The following ANP32D variants were observed in gnomAD, a reference collection of about 807,000 sequenced individuals.
The protein encoded by ANP32D is acidic nuclear phosphoprotein 32 family member D.
Under a neutral mutation model 7.8 loss-of-function variants are expected in ANP32D, and 6 were observed. That is an observed-to-expected ratio of 0.77 (90% CI 0.42 to 1.52). ANP32D has a LOEUF of 1.52. Among genes scored for constraint, ANP32D ranks in the 40% most tolerant of loss-of-function variants. The pLI, the probability that ANP32D is intolerant of heterozygous loss-of-function variation, is 0.01. For missense variants in ANP32D, 163 were observed against 145.9 expected (o/e 1.12, Z -0.60); for synonymous variants, 69 against 59.7 (o/e 1.16, Z -0.72).
In ANP32D at chr12:48,472,785, T is replaced by G. The variant is rs747041373; in HGVS notation, c.121T>G (p.Phe41Val). Reference protein sequence around the residue: ...EGKLEGLTDEFEELELLNTIN... With the variant: ...EGKLEGLTDEVEELELLNTIN... ...CAAATTGGAAGGCCTCACAGATGAA[T>G]TTGAAGAACTGGAATTATTAAATAC... is the stretch of plus-strand genomic sequence containing the variant. Residue 41 changes from phenylalanine to valine, a missense_variant, in exon 1 of 1, where the codon TTT becomes GTT. Coordinates refer to ENST00000266594, the MANE Select transcript of ANP32D (RefSeq NM_012404.3). The G allele has an allele frequency of 6.2e-7, 1 of 1,614,152 alleles. No individual in the cohort carries two copies. The highest frequency in any genetic ancestry group is 8.5e-7 in the Non-Finnish European group (1 of 1,180,022).
rs750180206 is a variant in ANP32D, at chr12:48,472,708, C to T, written c.44C>T (p.Thr15Met). 1.5e-5 allele frequency: 25 copies of T among 1,614,110 alleles called. No homozygotes were observed. The highest frequency in any genetic ancestry group is 5.3e-5 in the African/African-American group (4 of 75,014). The stretch of plus-strand genomic sequence containing the variant: ...ATTCATTTAGAGCTGCGGAACAGGA[C>T]GCCCTCCGATGTGAAAGAACTTTTC... ...KWIHLELRNR[T>M]PSDVKELFLD... The change falls in exon 1 of 1, where the codon ACG becomes ATG. Residue 15 changes from threonine to methionine, a missense_variant. Transcript: ENST00000266594.
In ANP32D at chr12:48,473,157, G is replaced by T; in HGVS notation, c.*97G>T. On this transcript the variant is annotated 3_prime_UTR_variant, in exon 1 of 1. Transcript: ENST00000266594. ...TAACTCGGATGGTGAGGGCTTTGTGGAGTGCCTGGATGACAAGGAGGAGGA... is the reference window on the plus strand; with the variant it reads ...TAACTCGGATGGTGAGGGCTTTGTGTAGTGCCTGGATGACAAGGAGGAGGA... 1 of 1,553,930 alleles carries T rather than the reference G, an allele frequency of 6.4e-7. No homozygotes were observed. The highest frequency in any genetic ancestry group is 8.9e-7 in the Non-Finnish European group (1 of 1,126,614).
rs181154394 is a variant in ANP32D, at chr12:48,473,285, G to A, written c.*225G>A. On this transcript the variant is annotated 3_prime_UTR_variant, in exon 1 of 1. Coordinates refer to ENST00000266594, the MANE Select transcript of ANP32D (RefSeq NM_012404.3). Reference sequence around the variant, plus strand: ...AAGAGGAGGACGTGAGTGGAGACGAGGAGGAGAAGGATGAAGGTTATAACA... The same window carrying A: ...AAGAGGAGGACGTGAGTGGAGACGAAGAGGAGAAGGATGAAGGTTATAACA... 8.1e-5 allele frequency: 88 copies of A among 1,090,956 alleles called. No homozygotes were observed. Among genetic ancestry groups the A allele is most frequent in the Middle Eastern group, 2.0e-4 (1 of 5,080 alleles). The allele number at this position is 1,090,956 out of a possible 1,614,324, so 67.6% of individuals were successfully genotyped here. A position where few individuals can be genotyped will look rare whatever the true frequency, so the allele number is the denominator to read the frequency against.
rs537365157 is a variant in ANP32D at position 48,473,617 on chromosome 12, A to C, written c.*557A>C. Reference sequence around the variant, plus strand: ...GGAATAAAATACTATTTTTACTGCCACTCTTTATTTTTTCCCCCTACTTTT... The same window carrying C: ...GGAATAAAATACTATTTTTACTGCCCCTCTTTATTTTTTCCCCCTACTTTT... On this transcript the variant is annotated 3_prime_UTR_variant, in exon 1 of 1. Transcript: ENST00000266594. 3.0e-4 allele frequency: 76 copies of C among 257,274 alleles called. No homozygotes were observed. Among genetic ancestry groups the C allele is most frequent in the Non-Finnish European group, 5.0e-4 (65 of 131,124 alleles). 15.9% of individuals were successfully genotyped at this position (257,274 alleles called of 1,614,324 possible). A position where few individuals can be genotyped will look rare whatever the true frequency, so the allele number is the denominator to read the frequency against.
chr12:48,473,419 A>G lies in ANP32D; in HGVS notation c.*359A>G. The G allele has an allele frequency of 1.4e-6, 1 of 706,508 alleles. No homozygotes were observed. Among genetic ancestry groups the G allele is most frequent in the Non-Finnish European group, 2.4e-6 (1 of 416,020 alleles). 43.8% of individuals were successfully genotyped at this position (706,508 alleles called of 1,614,324 possible). On this transcript the variant is annotated 3_prime_UTR_variant, in exon 1 of 1. Coordinates refer to ENST00000266594, the MANE Select transcript of ANP32D (RefSeq NM_012404.3). The stretch of plus-strand genomic sequence containing the variant: ...GAGGGAGAAGACGATGCCTAAGTGG[A>G]ATAATCTATTTTGAAAAATTCCTTT...
At position 48,472,602 on chromosome 12, in the gene ANP32D, G is replaced by A; in HGVS notation, c.-63G>A. ...GTTGAGCTTTCAAATGTGCGGTTGT[G>A]GGTTCGGGGTTTATTGGTTGAATTC... On this transcript the variant is annotated 5_prime_UTR_variant, in exon 1 of 1. Transcript: ENST00000266594. 1 of 1,591,892 alleles carries A rather than the reference G, an allele frequency of 6.3e-7. No individual in the cohort carries two copies. Among genetic ancestry groups the A allele is most frequent in the African/African-American group, 1.4e-5 (1 of 74,036 alleles).
rs1373843843 is a variant in ANP32D, at chr12:48,472,695, C to A, written c.31C>A (p.Leu11Met). The change falls in exon 1 of 1, where the codon CTG (leucine) becomes ATG (methionine). Residue 11 changes from leucine to methionine, a missense_variant. Coordinates refer to ENST00000266594, the MANE Select transcript of ANP32D (RefSeq NM_012404.3). The part of the protein sequence containing the change: MEMGKWIHLE[L>M]RNRTPSDVKE... ...GATGGGCAAATGGATTCATTTAGAG[C>A]TGCGGAACAGGACGCCCTCCGATGT... 6.2e-7 allele frequency: 1 copy of A among 1,614,132 alleles called. No individual in the cohort carries two copies. The highest frequency in any genetic ancestry group is 1.1e-5 in the South Asian group (1 of 91,072).
At position 48,472,647 on chromosome 12, in the gene ANP32D, G is replaced by C; in HGVS notation, c.-18G>C. 1 of 1,613,892 alleles carries C rather than the reference G, an allele frequency of 6.2e-7. No homozygotes were observed. Among genetic ancestry groups the C allele is most frequent in the South Asian group, 1.1e-5 (1 of 91,048 alleles). On this transcript the variant is annotated 5_prime_UTR_variant, in exon 1 of 1. Coordinates refer to ENST00000266594, the MANE Select transcript of ANP32D (RefSeq NM_012404.3). ...GAATTCCGCTGGCTCAGGAGCCTCT[G>C]CAGAGAAAGCGTGAGAGATGGAGAT...
rs767002083 is a variant in ANP32D, at chr12:48,472,823, C to T, written c.159C>T (p.Gly53=). The T allele has an allele frequency of 1.9e-6, 3 of 1,614,032 alleles. No individual in the cohort carries two copies. The highest frequency in any genetic ancestry group is 2.7e-5 in the African/African-American group (2 of 74,904). Residue 53 remains glycine (G), a synonymous_variant, in exon 1 of 1, where the codon GGC becomes GGT. Coordinates refer to ENST00000266594, the MANE Select transcript of ANP32D (RefSeq NM_012404.3). ...ELELLNTINI[G]LTSIANLPKL... ...AATTATTAAATACAATCAACATAGG[C>T]CTCACCTCAATTGCAAACTTGCCAA...
At position 48,472,924 on chromosome 12, in the gene ANP32D, G is replaced by A. The variant is rs375275376; in HGVS notation, c.260G>A (p.Cys87Tyr). ...SVGLEVLAEK[C>Y]PNLIHLNLSG... Reference sequence around the variant, plus strand: ...GGCCTAGAAGTATTGGCAGAAAAGTGTCCAAACCTCATACATCTAAATTTA... The same window carrying A: ...GGCCTAGAAGTATTGGCAGAAAAGTATCCAAACCTCATACATCTAAATTTA... The change falls in exon 1 of 1, where the codon TGT (cysteine) becomes TAT (tyrosine). Residue 87 changes from cysteine to tyrosine, a missense_variant. Transcript: ENST00000266594. 1.3e-5 allele frequency: 21 copies of A among 1,614,042 alleles called. No individual in the cohort carries two copies. The highest frequency in any genetic ancestry group is 4.0e-5 in the African/African-American group (3 of 74,920).
Position 48,472,676 on chromosome 12 carries a change from C to A in ANP32D, c.12C>A (p.Gly4=). Residue 4 remains glycine, a synonymous_variant, in exon 1 of 1, where the codon GGC becomes GGA. Transcript: ENST00000266594. The part of the protein sequence containing the change: MEM[G]KWIHLELRNR... Reference sequence around the variant, plus strand: ...AGAAAGCGTGAGAGATGGAGATGGGCAAATGGATTCATTTAGAGCTGCGGA... The same window carrying A: ...AGAAAGCGTGAGAGATGGAGATGGGAAAATGGATTCATTTAGAGCTGCGGA... 6.2e-7 allele frequency: 1 copy of A among 1,614,044 alleles called. No homozygotes were observed. Among genetic ancestry groups the A allele is most frequent in the Non-Finnish European group, 8.5e-7 (1 of 1,180,000 alleles).
Position 48,473,218 on chromosome 12 carries a change from T to A in ANP32D, c.*158T>A. 8.2e-7 allele frequency: 1 copy of A among 1,225,314 alleles called. No individual in the cohort carries two copies. Among genetic ancestry groups the A allele is most frequent in the Middle Eastern group, 1.9e-4 (1 of 5,286 alleles). The allele number at this position is 1,225,314 out of a possible 1,614,324, so 75.9% of individuals were successfully genotyped here. On this transcript the variant is annotated 3_prime_UTR_variant, in exon 1 of 1. Coordinates refer to ENST00000266594, the MANE Select transcript of ANP32D (RefSeq NM_012404.3). ...GAGGAGTATGATGAAGATGCTCAGG[T>A]AATGGAAGATGAGGAGGACGAGGAT...
In ANP32D at chr12:48,472,790, A is replaced by G. The variant is rs781503751; in HGVS notation, c.126A>G (p.Glu42=). 1.2e-5 allele frequency: 20 copies of G among 1,614,084 alleles called. No homozygotes were observed. The highest frequency in any genetic ancestry group is 1.6e-4 in the Middle Eastern group (1 of 6,082). The stretch of plus-strand genomic sequence containing the variant: ...TGGAAGGCCTCACAGATGAATTTGA[A>G]GAACTGGAATTATTAAATACAATCA... ...GKLEGLTDEF[E]ELELLNTINI... Residue 42 remains glutamate (E), a synonymous_variant, in exon 1 of 1, where the codon GAA becomes GAG. Coordinates refer to ENST00000266594, the MANE Select transcript of ANP32D (RefSeq NM_012404.3).
In ANP32D at chr12:48,472,612, T is replaced by C. The variant is rs1370439189; in HGVS notation, c.-53T>C. 1.9e-6 allele frequency: 3 copies of C among 1,604,804 alleles called. No individual in the cohort carries two copies. The highest frequency in any genetic ancestry group is 2.6e-6 in the Non-Finnish European group (3 of 1,175,988). ...CAAATGTGCGGTTGTGGGTTCGGGG[T>C]TTATTGGTTGAATTCCGCTGGCTCA... On this transcript the variant is annotated 5_prime_UTR_variant, in exon 1 of 1. Transcript: ENST00000266594.
At position 48,473,154 on chromosome 12, in the gene ANP32D, G is replaced by T; in HGVS notation, c.*94G>T. ...CCCTAACTCGGATGGTGAGGGCTTT[G>T]TGGAGTGCCTGGATGACAAGGAGGA... On this transcript the variant is annotated 3_prime_UTR_variant, in exon 1 of 1. Coordinates refer to ENST00000266594, the MANE Select transcript of ANP32D (RefSeq NM_012404.3). 1 of 1,563,908 alleles carries T rather than the reference G, an allele frequency of 6.4e-7. No homozygotes were observed. The highest frequency in any genetic ancestry group is 8.8e-7 in the Non-Finnish European group (1 of 1,135,538).
Position 48,473,486 on chromosome 12 carries a change from A to C in ANP32D, c.*426A>C. The C allele has an allele frequency of 2.3e-6, 1 of 434,088 alleles. No individual in the cohort carries two copies. The highest frequency in any genetic ancestry group is 3.5e-5 in the Admixed American group (1 of 28,670). The allele number at this position is 434,088 out of a possible 1,614,324, so 26.9% of individuals were successfully genotyped here. On this transcript the variant is annotated 3_prime_UTR_variant, in exon 1 of 1. Transcript: ENST00000266594. ...TTAGCCGTATCCCCTCCCCCACTCCAATCCTGCCCCCTGAAACTTATTTTT... is the reference window on the plus strand; with the variant it reads ...TTAGCCGTATCCCCTCCCCCACTCCCATCCTGCCCCCTGAAACTTATTTTT...
chr12:48,473,422 AATCT>A lies in ANP32D; in HGVS notation c.*365_*368del. ...GGAGAAGACGATGCCTAAGTGGAAT[AATCT>A]ATTTTGAAAAATTCCTTTTGTGATT... On this transcript the variant is annotated 3_prime_UTR_variant, in exon 1 of 1. Coordinates refer to ENST00000266594, the MANE Select transcript of ANP32D (RefSeq NM_012404.3). 1 of 693,862 alleles carries A rather than the reference AATCT, an allele frequency of 1.4e-6. No individual in the cohort carries two copies. Among genetic ancestry groups the A allele is most frequent in the East Asian group, 3.5e-5 (1 of 28,518 alleles). 43.0% of individuals were successfully genotyped at this position (693,862 alleles called of 1,614,324 possible). A position where few individuals can be genotyped will look rare whatever the true frequency, so the allele number is the denominator to read the frequency against.
Position 48,473,188 on chromosome 12 carries a change from A to T in ANP32D, c.*128A>T. 2 of 1,397,382 alleles carry T rather than the reference A, an allele frequency of 1.4e-6. No individual in the cohort carries two copies. The highest frequency in any genetic ancestry group is 2.3e-5 in the South Asian group (2 of 85,898). The allele number at this position is 1,397,382 out of a possible 1,614,324, so 86.6% of individuals were successfully genotyped here. A position where few individuals can be genotyped will look rare whatever the true frequency, so the allele number is the denominator to read the frequency against. On this transcript the variant is annotated 3_prime_UTR_variant, in exon 1 of 1. Coordinates refer to ENST00000266594, the MANE Select transcript of ANP32D (RefSeq NM_012404.3). ...CTGGATGACAAGGAGGAGGATGAGG[A>T]TGAGGAGGAGTATGATGAAGATGCT... is the stretch of plus-strand genomic sequence containing the variant.
At position 48,473,127 on chromosome 12, in the gene ANP32D, G is replaced by GC. The variant is rs1954095098; in HGVS notation, c.*71dup. 6.2e-7 allele frequency: 1 copy of GC among 1,610,012 alleles called. No individual in the cohort carries two copies. The highest frequency in any genetic ancestry group is 8.5e-7 in the Non-Finnish European group (1 of 1,176,992). On this transcript the variant is annotated 3_prime_UTR_variant, in exon 1 of 1. Transcript: ENST00000266594. Reference sequence around the variant, plus strand: ...CGGCTGTGACCCGGATGACAAGGAGGCCCCTAACTCGGATGGTGAGGGCTT... The same window carrying GC: ...CGGCTGTGACCCGGATGACAAGGAGGCCCCCTAACTCGGATGGTGAGGGCTT...
Sources: gnomAD v4.1 joint callset for allele counts on GRCh38, gnomAD v4.1.1 for gene constraint, MANE v1.5 for transcripts, NCBI Gene and HGNC (gene_info 2026-07-23, HGNC 2026-07-21) for gene names.